The following MARCHF1 variants were observed in gnomAD, a reference collection of about 807,000 sequenced individuals.
MARCHF1 encodes the protein E3 ubiquitin-protein ligase MARCHF1.
A neutral mutation model predicts 54.2 loss-of-function variants in MARCHF1; 40 were observed. The observed-to-expected ratio is 0.74, with a 90% CI of 0.57 to 0.96. MARCHF1 has a LOEUF of 0.96. Ranked by LOEUF, MARCHF1 falls within the 40% of genes least tolerant of loss-of-function variation. MARCHF1 has a pLI of 0.00. For synonymous variants in MARCHF1, 236 were observed against 236.3 expected (o/e 1.00, Z 0.01); for missense variants, 586 against 656.5 (o/e 0.89, Z 1.17).
intron 4 of MARCHF1, among the ~76,000 whole-genome samples, chr4:163,836,924 A>T (rs1749204238): frequency 6.6e-6 from 1 of 152,116 alleles, no homozygotes; most frequent in South Asian, 2.1e-4. Flanking sequence ...GTTGAAGCAG[A>T]AGCCATTCTA....
At chr4:163,931,915 G>C (rs1751685831) in intron 3 of MARCHF1, among the ~76,000 whole-genome samples, 1 of 152,100 alleles carries the variant, frequency 6.6e-6, no homozygotes, top group African/African-American at 2.4e-5. Flanking sequence ...TGTATATAAA[G>C]GCACAGCATG....
chr4:164,225,397 T>TGACAA (rs1732223419), intron 1 of MARCHF1, among the ~76,000 whole-genome samples: 1 of 152,112 alleles, frequency 6.6e-6, no homozygotes, highest in Non-Finnish European at 1.5e-5. Flanking sequence ...AATAACCTGA[T>TGACAA]GTCCTGTGAC....
At chr4:163,813,379 T>C (rs1748447574) in intron 4 of MARCHF1, among the ~76,000 whole-genome samples, 2 of 152,184 alleles carry the variant, frequency 1.3e-5, no homozygotes, top group Admixed American at 1.3e-4. Context: ...ATTATCCTGG[T>C]TGGTTGTCTC....
chr4:164,010,403 T>C (rs529227265), intron 2 of MARCHF1, among the ~76,000 whole-genome samples: 145 of 152,026 alleles, frequency 9.5e-4, no homozygotes, highest in Non-Finnish European at 1.7e-3. Context: ...GGCCAAAAAC[T>C]CTTAAAACTA....
intron 2 of MARCHF1, among the ~76,000 whole-genome samples, chr4:164,080,666 GTGTGTA>G (rs1374604799): frequency 3.1e-4 from 47 of 150,582 alleles, no homozygotes; most frequent in Non-Finnish European, 5.7e-4. Context: ...GTGTGTGTGT[GTGTGTA>G]TATATATATA....
intron 2 of MARCHF1, among the ~76,000 whole-genome samples, chr4:164,068,625 C>T (rs1754783811): frequency 6.6e-6 from 1 of 152,196 alleles, no homozygotes; most frequent in Non-Finnish European, 1.5e-5. Flanking sequence ...CCTGCCATGC[C>T]TGAGCCTCCC....
chr4:163,728,634 T>A (rs746808299), intron 4 of MARCHF1, among the ~76,000 whole-genome samples: 11 of 152,218 alleles, frequency 7.2e-5, no homozygotes, highest in Non-Finnish European at 1.6e-4. Flanking sequence ...AATTGACTTA[T>A]ATATATTAAC....
intron 8 of MARCHF1, among the ~76,000 whole-genome samples, chr4:163,564,060 A>T (rs1233134111): frequency 1.3e-5 from 2 of 152,208 alleles, no homozygotes; most frequent in Admixed American, 6.5e-5. Context: ...CGGGACCTGG[A>T]GTACACATTG....
intron 5 of MARCHF1, among the ~76,000 whole-genome samples, chr4:163,676,252 G>C (rs1743915120): frequency 6.6e-6 from 1 of 151,354 alleles, no homozygotes; most frequent in African/African-American, 2.4e-5. Context: ...AGGTACTAGG[G>C]AGGCTGAGGC....
At chr4:163,722,412 T>C (rs1293235218) in intron 4 of MARCHF1, among the ~76,000 whole-genome samples, 1 of 152,212 alleles carries the variant, frequency 6.6e-6, no homozygotes, top group African/African-American at 2.4e-5. Context: ...TTATAATTTC[T>C]GTTCTTTTAC....
intron 1 of MARCHF1, among the ~76,000 whole-genome samples, chr4:164,340,343 C>A (rs1729877178): frequency 6.9e-6 from 1 of 143,908 alleles, no homozygotes; most frequent in Non-Finnish European, 1.5e-5. Flanking sequence ...CTGAAGCAAT[C>A]CTCCCACCTC....
chr4:163,624,727 C>T (rs1246780930), intron 5 of MARCHF1, among the ~76,000 whole-genome samples: 1 of 152,224 alleles, frequency 6.6e-6, no homozygotes, highest in Non-Finnish European at 1.5e-5. Context: ...ACCTGAGTGT[C>T]CTAGTTGTAG....
At chr4:164,040,910 C>T (rs1754115062) in intron 2 of MARCHF1, among the ~76,000 whole-genome samples, 1 of 151,956 alleles carries the variant, frequency 6.6e-6, no homozygotes, top group African/African-American at 2.4e-5. Context: ...AATATAAATC[C>T]TGTGTTTTAT....
chr4:164,250,588 G>T (rs1311613223), intron 1 of MARCHF1, among the ~76,000 whole-genome samples: 4 of 151,908 alleles, frequency 2.6e-5, no homozygotes, highest in Admixed American at 2.6e-4. Flanking sequence ...AAATGATGTG[G>T]CATTTTAATT....
At chr4:164,368,464 G>A (rs926550334) in intron 1 of MARCHF1, among the ~76,000 whole-genome samples, 21 of 151,920 alleles carry the variant, frequency 1.4e-4, no homozygotes, top group African/African-American at 4.8e-4. Context: ...CAAGAAAAAG[G>A]TATCTCCAAT....
chr4:164,285,497 C>T (rs1734120075), intron 1 of MARCHF1, among the ~76,000 whole-genome samples: 1 of 151,928 alleles, frequency 6.6e-6, no homozygotes, highest in Non-Finnish European at 1.5e-5. Flanking sequence ...GGCTGGAGTG[C>T]AGTGGCGCGA....
chr4:163,632,963 G>A (rs1742161284), intron 5 of MARCHF1, among the ~76,000 whole-genome samples: 1 of 150,862 alleles, frequency 6.6e-6, no homozygotes, highest in Non-Finnish European at 1.5e-5. Context: ...AGCCTAACTA[G>A]GAGGCGCCCC....
chr4:163,629,925 A>G, intron 5 of MARCHF1, among the ~76,000 whole-genome samples: 1 of 152,266 alleles, frequency 6.6e-6, no homozygotes, highest in East Asian at 1.9e-4. Flanking sequence ...ATACCAGTAT[A>G]TAACCATTAG....
intron 1 of MARCHF1, among the ~76,000 whole-genome samples, chr4:164,283,545 T>C (rs1734076475): frequency 6.6e-6 from 1 of 151,064 alleles, no homozygotes; most frequent in Non-Finnish European, 1.5e-5. Flanking sequence ...ACAACCATGA[T>C]GAATCCCCTT....
Sources: allele counts gnomAD v4.1 joint callset (sites outside exome capture counted in the v4.1 genomes callset), GRCh38; gene constraint gnomAD v4.1.1; transcripts MANE v1.5; gene names NCBI Gene and HGNC (gene_info 2026-07-23, HGNC 2026-07-21).